CRTC1: variants seen among roughly 807,000 people sequenced by gnomAD.
The protein encoded by CRTC1 is CREB regulated transcription coactivator 1.
In CRTC1, 18 loss-of-function variants were observed where a neutral mutation model predicts 66.1. The ratio of observed to expected loss-of-function variants is 0.27; its 90% confidence interval spans 0.19 to 0.40. CRTC1 has a LOEUF of 0.40. Among genes scored for constraint, CRTC1 ranks in the 10% least tolerant of loss-of-function variants. The pLI is 1.00. For synonymous variants in CRTC1, 416 were observed against 398.8 expected (o/e 1.04, Z -0.51); for missense variants, 669 against 887.9 (o/e 0.75, Z 3.13).
chr19:18,746,485 T>TC (rs1345682644), intron 3 of CRTC1, among the ~76,000 whole-genome samples: 2 of 86,768 alleles, frequency 2.3e-5, no homozygotes, highest in Admixed American at 1.3e-4. Context: ...AGTCCCCCCC[T>TC]CCCCCCCAAC....
Position 18,730,514 on chromosome 19 carries a change from G to A in CRTC1, c.127-12396G>A, listed in dbSNP as rs562987647. ...CCGTGGAGTCACCGGCTGGGTGTTC[G>A]CCGCTCCTTGTGCTGTCCTGGTTTG... is the stretch of plus-strand genomic sequence containing the variant. On this transcript the variant is annotated intron_variant, in intron 1 of 13. Transcript: ENST00000321949. 6.6e-5 allele frequency among the ~76,000 whole-genome samples: 10 copies of A among 152,140 alleles called. No individual in the cohort carries two copies. The South Asian group carries it at 1.9e-3, about 28-fold the overall frequency.
At chr19:18,756,997 C>G (rs1339815594) in intron 6 of CRTC1, among the ~76,000 whole-genome samples, 4 of 152,232 alleles carry the variant, frequency 2.6e-5, no homozygotes, top group Admixed American at 6.5e-5. Context: ...GGCTTAACAC[C>G]CGCCGGTCGC....
At chr19:18,696,132 C>T (rs1354371591) in intron 1 of CRTC1, among the ~76,000 whole-genome samples, 4 of 152,110 alleles carry the variant, frequency 2.6e-5, no homozygotes, top group African/African-American at 7.2e-5. Context: ...GCCCGGAGAG[C>T]GAATGTCATA....
At chr19:18,716,170 C>T (rs992495066) in intron 1 of CRTC1, among the ~76,000 whole-genome samples, 1 of 151,996 alleles carries the variant, frequency 6.6e-6, no homozygotes, top group Non-Finnish European at 1.5e-5. Context: ...ACAGCCCACC[C>T]TTGTTGGGGG....
Position 18,734,027 on chromosome 19 carries a change from G to A in CRTC1, c.127-8883G>A, listed in dbSNP as rs74992718. On this transcript the variant is annotated intron_variant, in intron 1 of 13. Coordinates refer to ENST00000321949, the MANE Select transcript of CRTC1 (RefSeq NM_015321.3). ...GGGAGGCTGAGAATCACTTGACCCC[G>A]GCAGGTGGAGGTTGCAGTGAGTCAA... 7.4e-3 allele frequency among the ~76,000 whole-genome samples: 1,126 copies of A among 152,210 alleles called. 22 individuals are homozygous for A. Among genetic ancestry groups the A allele is most frequent in the African/African-American group, 0.025 (1,032 of 41,516 alleles).
intron 5 of CRTC1, among the ~76,000 whole-genome samples, chr19:18,750,374 C>T (rs1189288236): frequency 6.6e-6 from 1 of 152,246 alleles, no homozygotes; most frequent in Non-Finnish European, 1.5e-5. Flanking sequence ...GAGGCCATCT[C>T]TTCCCAACTC....
intron 1 of CRTC1, among the ~76,000 whole-genome samples, chr19:18,720,667 A>G (rs186482523): frequency 6.6e-6 from 1 of 151,358 alleles, no homozygotes; most frequent in Non-Finnish European, 1.5e-5. Context: ...CGCCCGGCCT[A>G]ACTTTGGTAC....
rs777830005 is a variant in CRTC1, at chr19:18,775,769, G to C, written c.1641G>C (p.Ser547=). Residue 547 remains serine, a synonymous_variant, in exon 13 of 14, where the codon TCG becomes TCC. Transcript: ENST00000321949. ...GCAGCCACGGGAGCCTGCCGGACTC[G>C]CAGCAACTGGGATACGCCAGCCACA... ...LTGSHGSLPD[S]QQLGYASHSG... 6.2e-7 allele frequency: 1 copy of C among 1,611,090 alleles called. No homozygotes were observed. Among genetic ancestry groups the C allele is most frequent in the Non-Finnish European group, 8.5e-7 (1 of 1,179,140 alleles).
At position 18,753,149 on chromosome 19, in the gene CRTC1, A is replaced by G. The variant is rs1305849021; in HGVS notation, c.539-351A>G. Among the ~76,000 whole-genome samples, 7 of 151,932 alleles carry G rather than the reference A, an allele frequency of 4.6e-5. No homozygotes were observed. The East Asian group carries it at 1.2e-3, about 25-fold the overall frequency. On this transcript the variant is annotated intron_variant, in intron 5 of 13. Coordinates refer to ENST00000321949, the MANE Select transcript of CRTC1 (RefSeq NM_015321.3). ...AAATTAGCCTGGCATCGTGGCGGGCACCTGTAGTCCCAGCTACTTGGGAGG... is the reference window on the plus strand; with the variant it reads ...AAATTAGCCTGGCATCGTGGCGGGCGCCTGTAGTCCCAGCTACTTGGGAGG...
At chr19:18,708,067 G>A (rs2053305195) in intron 1 of CRTC1, among the ~76,000 whole-genome samples, 1 of 152,338 alleles carries the variant, frequency 6.6e-6, no homozygotes, top group African/African-American at 2.4e-5. Context: ...TCTGCAGTGG[G>A]ACATTAGGGG....
chr19:18,775,017 G>A (rs374988708), intron 12 of CRTC1, 31 bp downstream of exon 12: 35 of 1,592,614 alleles, frequency 2.2e-5, no homozygotes, highest in South Asian at 6.6e-5. Flanking sequence ...CCAGCCGGCC[G>A]GTGCCCAGGA....
In CRTC1 at chr19:18,692,811, C is replaced by A. The variant is rs538128177; in HGVS notation, c.126+8983C>A. Among the ~76,000 whole-genome samples, 11 of 152,170 alleles carry A rather than the reference C, an allele frequency of 7.2e-5. No homozygotes were observed. In the South Asian group the frequency reaches 1.9e-3, roughly 26 times the overall value. On this transcript the variant is annotated intron_variant, in intron 1 of 13. Transcript: ENST00000321949. ...TTTTTCTGGGCCGGGCACGGTGGCTCACGCCTGTAATCCCAGCACTTTGGG... is the reference window on the plus strand; with the variant it reads ...TTTTTCTGGGCCGGGCACGGTGGCTAACGCCTGTAATCCCAGCACTTTGGG...
In CRTC1 at chr19:18,777,422, G is replaced by A. The variant is rs2055015956; in HGVS notation, c.*40G>A. 2 of 1,569,448 alleles carry A rather than the reference G, an allele frequency of 1.3e-6. No homozygotes were observed. Among genetic ancestry groups the A allele is most frequent in the African/African-American group, 1.3e-5 (1 of 74,214 alleles). ...ACCCTGCCGCTCAGCCGTCCCGACG[G>A]CGCCTCCCCAGCCCGGGGACGGCCG... On this transcript the variant is annotated 3_prime_UTR_variant, in exon 14 of 14. Transcript: ENST00000321949. The surrounding 1 kb of genome is among the most constrained non-coding windows in gnomAD (Gnocchi z 5.5).
Position 18,760,524 on chromosome 19 carries a change from TG to T in CRTC1, c.886+300del. ...GAAGCCCTGGGAGTTTTAACGCAGCTGGGGTGGGCCAGGCCTTCCCTCCGCC... is the reference window on the plus strand; with the variant it reads ...GAAGCCCTGGGAGTTTTAACGCAGCTGGGTGGGCCAGGCCTTCCCTCCGCC... On this transcript the variant is annotated intron_variant, in intron 8 of 13. Transcript: ENST00000321949. This position sits in a 1 kb window ranked among gnomAD's most constrained non-coding sequence, Gnocchi z 6.2. Among the ~76,000 whole-genome samples the T allele has an allele frequency of 1.3e-5, 2 of 151,934 alleles. No individual in the cohort carries two copies. Among genetic ancestry groups the T allele is most frequent in the Non-Finnish European group, 2.9e-5 (2 of 67,930 alleles).
intron 3 of CRTC1, 48 bp from the exon 4 acceptor site, chr19:18,747,005 T>C (rs1443888840): frequency 6.3e-7 from 1 of 1,576,044 alleles, no homozygotes; most frequent in Non-Finnish European, 8.7e-7. Context: ...AGTGTGTTGT[T>C]GGAGGCGGGG....
In CRTC1 at chr19:18,749,882, A is replaced by G. The variant is rs1568522385; in HGVS notation, c.538+7A>G. 1.9e-6 allele frequency: 3 copies of G among 1,611,952 alleles called. No individual in the cohort carries two copies. The highest frequency in any genetic ancestry group is 1.7e-6 in the Non-Finnish European group (2 of 1,178,186). On this transcript the variant is annotated splice_region_variant and intron_variant, in intron 5 of 13. Transcript: ENST00000321949. ...GACGTGCACCAGAAAAGAGGTATGG[A>G]CAGGGGACTCGGGTGTCTCTGCTGG...
chr19:18,758,977 C>G (rs1051980906), intron 6 of CRTC1, among the ~76,000 whole-genome samples: 2 of 152,222 alleles, frequency 1.3e-5, no homozygotes, highest in African/African-American at 4.8e-5. Context: ...AGAGGCCCCT[C>G]TACTGTGCTG....
At chr19:18,762,668 CT>C (rs1373674045) in intron 8 of CRTC1, among the ~76,000 whole-genome samples, 2 of 152,246 alleles carry the variant, frequency 1.3e-5, no homozygotes, top group Non-Finnish European at 2.9e-5. Flanking sequence ...CCGCCCTCCC[CT>C]GGCAGCTCTC....
intron 1 of CRTC1, among the ~76,000 whole-genome samples, chr19:18,726,342 C>G (rs2053752374): frequency 6.6e-6 from 1 of 152,250 alleles, no homozygotes; most frequent in African/African-American, 2.4e-5. Context: ...AGAGGAGGCC[C>G]AGGCCCGGGA....
Sources: gnomAD v4.1 joint callset for allele counts (sites outside exome capture counted in the v4.1 genomes callset) on GRCh38, gnomAD v4.1.1 for gene constraint, Gnocchi (gnomAD v3.1) non-coding constraint, MANE v1.5 for transcripts, NCBI Gene and HGNC (gene_info 2026-07-23, HGNC 2026-07-21) for gene names.